Variants in FRMD4B observed in about 807,000 individuals in gnomAD.
FRMD4B encodes FERM domain containing 4B, also known as FERM domain-containing protein 4B.
Under a neutral mutation model 141.5 loss-of-function variants are expected in FRMD4B, and 74 were observed. The observed-to-expected ratio is 0.52, with a 90% CI of 0.43 to 0.63. The LOEUF is 0.63. Ranked by LOEUF, FRMD4B falls within the 30% of genes least tolerant of loss-of-function variation. FRMD4B has a pLI of 0.00. For synonymous variants in FRMD4B, 506 were observed against 467.9 expected (o/e 1.08, Z -1.05); for missense variants, 1,366 against 1,253.4 (o/e 1.09, Z -1.36).
intron 11 of FRMD4B, among the ~76,000 whole-genome samples, chr3:69,215,375 C>T (rs1172173812): frequency 7.3e-6 from 1 of 137,160 alleles, no homozygotes; most frequent in Non-Finnish European, 1.5e-5. Context: ...TCACTGCAAC[C>T]TCTGCCTCCC....
At chr3:69,198,271 G>A (rs931282486) in intron 12 of FRMD4B, 1 of 153,464 alleles carries the variant, frequency 6.5e-6, no homozygotes, top group Non-Finnish European at 1.4e-5. Flanking sequence ...CAAAAGATCT[G>A]AATAGACATT....
At chr3:69,443,123 A>G (rs933446475) in intron 1 of FRMD4B, among the ~76,000 whole-genome samples, 1 of 152,144 alleles carries the variant, frequency 6.6e-6, no homozygotes, top group Admixed American at 6.5e-5. Context: ...CCATGTGATT[A>G]CAGGGTTGGA....
intron 1 of FRMD4B, among the ~76,000 whole-genome samples, chr3:69,490,055 T>C (rs1706277417): frequency 6.6e-6 from 1 of 152,188 alleles, no homozygotes; most frequent in Admixed American, 6.6e-5. Context: ...AATGGCTGTC[T>C]AGGGCTGGGG....
At chr3:69,451,013 A>C (rs1014396960) in intron 1 of FRMD4B, among the ~76,000 whole-genome samples, 4 of 152,218 alleles carry the variant, frequency 2.6e-5, no homozygotes, top group African/African-American at 9.6e-5. Flanking sequence ...ATTATGTACA[A>C]GGCTGCGGCC....
chr3:69,507,677 T>G (rs1386925981), intron 1 of FRMD4B, among the ~76,000 whole-genome samples: 1 of 152,168 alleles, frequency 6.6e-6, no homozygotes, highest in African/African-American at 2.4e-5. Context: ...TATCAGATTT[T>G]GATTTTTAGA....
chr3:69,242,811 G>A (rs765555128), intron 7 of FRMD4B, among the ~76,000 whole-genome samples: 3 of 151,516 alleles, frequency 2.0e-5, no homozygotes, highest in Admixed American at 6.6e-5. Flanking sequence ...TGGCCAACAT[G>A]GTGAAACCCC....
chr3:69,323,608 G>GTGTATATATA (rs1263800285), intron 1 of FRMD4B, among the ~76,000 whole-genome samples: 1 of 101,698 alleles, frequency 9.8e-6, no homozygotes, highest in Non-Finnish European at 1.9e-5. Context: ...CTCTCTCTGT[G>GTGTATATATA]TATATATATA....
intron 11 of FRMD4B, among the ~76,000 whole-genome samples, chr3:69,203,483 G>A (rs115003828): frequency 6.6e-6 from 1 of 152,134 alleles, no homozygotes; most frequent in African/African-American, 2.4e-5. Context: ...TTTCTTGAGT[G>A]CCGTGTATGT....
chr3:69,425,411 T>C (rs1482228959), intron 2 of FRMD4B, among the ~76,000 whole-genome samples: 1 of 152,198 alleles, frequency 6.6e-6, no homozygotes, highest in African/African-American at 2.4e-5. Context: ...CTGAAACTAG[T>C]GCTAGAAGTA....
At chr3:69,251,832 G>A (rs2093465249) in intron 5 of FRMD4B, among the ~76,000 whole-genome samples, 1 of 152,246 alleles carries the variant, frequency 6.6e-6, no homozygotes, top group Non-Finnish European at 1.5e-5. Context: ...AACAGGTGAG[G>A]TGGGTGTTGA....
intron 1 of FRMD4B, among the ~76,000 whole-genome samples, chr3:69,380,735 A>G: frequency 6.6e-6 from 1 of 152,112 alleles, no homozygotes; most frequent in Non-Finnish European, 1.5e-5. Context: ...GGTCACTTAA[A>G]TATCCCGGAG....
intron 1 of FRMD4B, among the ~76,000 whole-genome samples, chr3:69,503,650 G>A (rs528174604): frequency 9.2e-5 from 14 of 152,208 alleles, no homozygotes; most frequent in East Asian, 1.9e-4. Context: ...AATCCTGCAC[G>A]TTGTGCACAT....
At chr3:69,461,696 T>C (rs1705710591) in intron 1 of FRMD4B, among the ~76,000 whole-genome samples, 1 of 144,310 alleles carries the variant, frequency 6.9e-6, no homozygotes, top group African/African-American at 2.6e-5. Context: ...TATGAAACAG[T>C]TAAGGGGTGT....
chr3:69,340,944 T>G (rs1304487853), intron 1 of FRMD4B, among the ~76,000 whole-genome samples: 1 of 152,028 alleles, frequency 6.6e-6, no homozygotes, highest in East Asian at 1.9e-4. Flanking sequence ...TGGAGTTGTG[T>G]AATAAAAAAA....
In FRMD4B at chr3:69,339,650, G is replaced by C. The variant is rs142971717; in HGVS notation, c.163-26133C>G. ...CAATAAAAAAAATGAAAACAAAAAA[G>C]GCAAATATAGTTCTGCAGGCCTCGA... On this transcript the variant is annotated intron_variant, in intron 1 of 22. Coordinates refer to ENST00000398540, the MANE Select transcript of FRMD4B (RefSeq NM_015123.3). Among the ~76,000 whole-genome samples the C allele has an allele frequency of 4.2e-3, 641 of 152,160 alleles. 4 individuals carry two copies. Among genetic ancestry groups the C allele is most frequent in the African/African-American group, 0.014 (575 of 41,516 alleles).
chr3:69,429,934 A>AT (rs1190886440), intron 2 of FRMD4B, among the ~76,000 whole-genome samples: 1 of 151,062 alleles, frequency 6.6e-6, no homozygotes, highest in African/African-American at 2.4e-5. Flanking sequence ...TAATTTTTGT[A>AT]TTTTTTTGTG....
In FRMD4B at chr3:69,385,856, G is replaced by C; in HGVS notation, c.134C>G (p.Thr45Arg). The change falls in exon 1 of 23, where the codon ACG (threonine) becomes AGG (arginine). Residue 45 changes from threonine to arginine, a missense_variant. Physicochemically the swap from Thr to Arg is moderately conservative, Grantham distance 71 (BLOSUM62 -1). Transcript: ENST00000398540. The stretch of plus-strand genomic sequence containing the variant: ...GTACACGTCCTGCAGCCCGCACCAC[G>C]TCCGCAGCACCTGGTGGCAAGCCCG... ...RLRACHQVLR[T>R]WCGLQDVYQM... is the part of the protein sequence containing the mutation. 1 of 1,595,910 alleles carries C rather than the reference G, an allele frequency of 6.3e-7. No homozygotes were observed. Among genetic ancestry groups the C allele is most frequent in the East Asian group, 2.3e-5 (1 of 43,852 alleles).
chr3:69,493,081 A>G (rs1169105642), intron 1 of FRMD4B, among the ~76,000 whole-genome samples: 3 of 152,202 alleles, frequency 2.0e-5, no homozygotes, highest in East Asian at 3.8e-4. Context: ...TTATCTTACA[A>G]GCAGCCAACA....
intron 1 of FRMD4B, among the ~76,000 whole-genome samples, chr3:69,326,653 G>T (rs1217236850): frequency 6.6e-6 from 1 of 152,152 alleles, no homozygotes; most frequent in Non-Finnish European, 1.5e-5. Context: ...CTTGTCTGAG[G>T]TCCCACAGTT....
Sources: gnomAD v4.1 joint callset for allele counts (sites outside exome capture counted in the v4.1 genomes callset) on GRCh38, gnomAD v4.1.1 for gene constraint, MANE v1.5 for transcripts, NCBI Gene and HGNC (gene_info 2026-07-23, HGNC 2026-07-21) for gene names.